Variants in LRRTM4 observed in about 807,000 individuals in gnomAD.
LRRTM4 encodes leucine-rich repeat transmembrane neuronal protein 4.
A neutral mutation model predicts 47.6 loss-of-function variants in LRRTM4; 25 were observed. The ratio of observed to expected loss-of-function variants is 0.53; its 90% CI spans 0.38 to 0.73. The LOEUF is 0.73. LRRTM4 is among the 30% of genes least tolerant of loss of function. The pLI is 0.00. For missense variants in LRRTM4, 638 were observed against 713.4 expected (o/e 0.89, Z 1.20); for synonymous variants, 311 against 269.5 (o/e 1.15, Z -1.51).
At chr2:77,143,263 G>T (rs1041332728) in intron 3 of LRRTM4, among the ~76,000 whole-genome samples, 6 of 152,122 alleles carry the variant, frequency 3.9e-5, no homozygotes, top group Admixed American at 3.9e-4. Flanking sequence ...AATTTTGATT[G>T]TAATTATTTT....
In LRRTM4 at chr2:76,810,583, C is replaced by CA. The variant is rs199620978; in HGVS notation, c.1552-61668dup. On this transcript the variant is annotated intron_variant, in intron 3 of 3. Transcript: ENST00000409884. Reference sequence around the variant, plus strand: ...GTATTAATACAGGTTAATGAATAAACAAAAAATGTCTAAATATGTTCCTTT... The same window carrying CA: ...GTATTAATACAGGTTAATGAATAAACAAAAAAATGTCTAAATATGTTCCTTT... Among the ~76,000 whole-genome samples, 853 of 152,128 alleles carry CA rather than the reference C, an allele frequency of 5.6e-3. 9 individuals are homozygous for CA. The highest frequency in any genetic ancestry group is 0.02 in the African/African-American group (816 of 41,532).
chr2:77,292,888 A>G (rs1676867597), intron 3 of LRRTM4, among the ~76,000 whole-genome samples: 1 of 151,666 alleles, frequency 6.6e-6, no homozygotes, highest in Non-Finnish European at 1.5e-5. Context: ...AAAATAAATA[A>G]AACACATCAC....
chr2:77,312,189 A>C (rs1239657819), intron 3 of LRRTM4, among the ~76,000 whole-genome samples: 1 of 152,098 alleles, frequency 6.6e-6, no homozygotes, highest in African/African-American at 2.4e-5. Context: ...TCTATTTCTC[A>C]AAATATATTC....
chr2:77,209,709 A>G (rs1674239829), intron 3 of LRRTM4, among the ~76,000 whole-genome samples: 1 of 152,244 alleles, frequency 6.6e-6, no homozygotes, highest in South Asian at 2.1e-4. Flanking sequence ...GCCATTTTCT[A>G]AAAGGCATAA....
At chr2:77,091,652 C>A (rs183236303) in intron 3 of LRRTM4, among the ~76,000 whole-genome samples, 19,946 of 136,840 alleles carry the variant, frequency 0.15, 401 homozygotes, top group East Asian at 0.36. Flanking sequence ...CCTTTGCACC[C>A]TTAATCCCAG....
rs1217062108 is a variant in LRRTM4, at chr2:77,350,243, G to A, written c.1551+168075C>T. On this transcript the variant is annotated intron_variant, in intron 3 of 3. Coordinates refer to ENST00000409884, the MANE Select transcript of LRRTM4 (RefSeq NM_001134745.3). The stretch of plus-strand genomic sequence containing the variant: ...CGGGAGGCTGAGGCAGGAGAATGGC[G>A]TGAACCCGGGAAGCGGAGCTTGCAG... Among the ~76,000 whole-genome samples the A allele has an allele frequency of 5.5e-5, 8 of 145,642 alleles. No homozygotes were observed. The South Asian group carries it at 6.6e-4, about 12-fold the overall frequency.
intron 3 of LRRTM4, among the ~76,000 whole-genome samples, chr2:77,175,963 C>T (rs1001989334): frequency 5.0e-4 from 76 of 150,992 alleles, no homozygotes; most frequent in African/African-American, 1.8e-3. Context: ...CCGCTACTCC[C>T]GTCTTTTTTT....
At chr2:77,000,077 T>C (rs1332542435) in intron 3 of LRRTM4, among the ~76,000 whole-genome samples, 1 of 152,270 alleles carries the variant, frequency 6.6e-6, no homozygotes, top group Admixed American at 6.5e-5. Context: ...GAATTTTTGG[T>C]TTCTTAGCTT....
At chr2:76,859,855 A>C (rs1179208375) in intron 3 of LRRTM4, among the ~76,000 whole-genome samples, 2 of 152,162 alleles carry the variant, frequency 1.3e-5, no homozygotes, top group African/African-American at 4.8e-5. Flanking sequence ...TCTTGTGTAC[A>C]GTTTATCTTT....
In LRRTM4 at chr2:76,783,654, G is replaced by T. The variant is rs1251688556; in HGVS notation, c.1552-34738C>A. Reference sequence around the variant, plus strand: ...CAAGGAAATTAATTGATTTAATCCTGAATTAAAACTAATTCCGGGTAAAAC... The same window carrying T: ...CAAGGAAATTAATTGATTTAATCCTTAATTAAAACTAATTCCGGGTAAAAC... On this transcript the variant is annotated intron_variant, in intron 3 of 3. Coordinates refer to ENST00000409884, the MANE Select transcript of LRRTM4 (RefSeq NM_001134745.3). Among the ~76,000 whole-genome samples, 6 of 152,224 alleles carry T rather than the reference G, an allele frequency of 3.9e-5. No homozygotes were observed. The East Asian group carries it at 1.2e-3, about 29-fold the overall frequency.
At chr2:76,870,087 G>T (rs933461893) in intron 3 of LRRTM4, among the ~76,000 whole-genome samples, 2 of 152,116 alleles carry the variant, frequency 1.3e-5, no homozygotes, top group African/African-American at 4.8e-5. Context: ...AGTGTCCTGG[G>T]ATCTTTAATG....
intron 3 of LRRTM4, among the ~76,000 whole-genome samples, chr2:77,342,965 C>A (rs1481169640): frequency 6.6e-6 from 1 of 151,904 alleles, no homozygotes; most frequent in Non-Finnish European, 1.5e-5. Context: ...TAATGATACT[C>A]TTTAGCTTTT....
intron 3 of LRRTM4, among the ~76,000 whole-genome samples, chr2:76,960,849 G>A (rs1317383708): frequency 1.3e-5 from 2 of 151,410 alleles, no homozygotes; most frequent in Admixed American, 6.6e-5. Flanking sequence ...TATATTTAAA[G>A]AGCTTTGTGG....
At chr2:76,832,066 A>C (rs548284936) in intron 3 of LRRTM4, among the ~76,000 whole-genome samples, 7 of 152,226 alleles carry the variant, frequency 4.6e-5, no homozygotes, top group Admixed American at 1.3e-4. Flanking sequence ...AGTTTTTTCC[A>C]TGTAAAGTAA....
chr2:77,195,465 C>T (rs1199472150), intron 3 of LRRTM4, among the ~76,000 whole-genome samples: 2 of 151,934 alleles, frequency 1.3e-5, no homozygotes, highest in East Asian at 1.9e-4. Context: ...AGTAGGAAAA[C>T]TTATCACCTA....
intron 3 of LRRTM4, among the ~76,000 whole-genome samples, chr2:77,503,254 G>A (rs1308187729): frequency 6.6e-6 from 1 of 151,632 alleles, no homozygotes; most frequent in East Asian, 1.9e-4. Context: ...AAGATGGAGA[G>A]ACATGAATGA....
At chr2:76,969,353 T>G (rs1208702630) in intron 3 of LRRTM4, among the ~76,000 whole-genome samples, 1 of 151,930 alleles carries the variant, frequency 6.6e-6, no homozygotes, top group African/African-American at 2.4e-5. Context: ...GTGACGGACA[T>G]GGAGACGGAA....
At chr2:77,056,101 T>A (rs192881396) in intron 3 of LRRTM4, among the ~76,000 whole-genome samples, 1 of 149,052 alleles carries the variant, frequency 6.7e-6, no homozygotes, top group Non-Finnish European at 1.5e-5. Context: ...AATGACGAGT[T>A]AATGGGTGCA....
At chr2:77,445,598 G>T (rs183582589) in intron 3 of LRRTM4, among the ~76,000 whole-genome samples, 1 of 152,068 alleles carries the variant, frequency 6.6e-6, no homozygotes, top group African/African-American at 2.4e-5. Context: ...AAGCATCAAT[G>T]AAGCACATTT....
Sources: gnomAD v4.1 joint callset for allele counts (sites outside exome capture counted in the v4.1 genomes callset) on GRCh38, gnomAD v4.1.1 for gene constraint, MANE v1.5 for transcripts, NCBI Gene and HGNC (gene_info 2026-07-23, HGNC 2026-07-21) for gene names.